Variants in APBA1 observed in about 807,000 individuals in gnomAD.
The protein encoded by APBA1 is amyloid-beta A4 precursor protein-binding family A member 1.
A neutral mutation model predicts 86.6 loss-of-function variants in APBA1; 55 were observed. The ratio of observed to expected loss-of-function variants is 0.64; its 90% CI spans 0.51 to 0.80. The LOEUF is 0.80. APBA1 is among the 30% of genes least tolerant of loss of function. The pLI, the probability that APBA1 is intolerant of heterozygous loss-of-function variation, is 0.00. For missense variants in APBA1, 1,090 were observed against 1,183.0 expected, an observed-to-expected ratio of 0.92 and a Z score of 1.15; for synonymous variants, 511 against 493.9, an observed-to-expected ratio of 1.03 and a Z score of -0.46.
chr9:69,571,784 A>C (rs1837118601), intron 1 of APBA1, among the ~76,000 whole-genome samples: 2 of 152,218 alleles, frequency 1.3e-5, no homozygotes, highest in Non-Finnish European at 2.9e-5. Flanking sequence ...TTGCAAGGAA[A>C]TGTAGGCCAT....
chr9:69,576,542 T>A (rs1485944936), intron 1 of APBA1, among the ~76,000 whole-genome samples: 1 of 152,214 alleles, frequency 6.6e-6, no homozygotes, highest in Non-Finnish European at 1.5e-5. Context: ...AAGGATGAGT[T>A]CATGTCTTTT....
chr9:69,534,883 C>A (rs1836485414), intron 1 of APBA1, among the ~76,000 whole-genome samples: 1 of 152,080 alleles, frequency 6.6e-6, no homozygotes, highest in African/African-American at 2.4e-5. Flanking sequence ...CTTAATTTCT[C>A]CTTTTCTCTC....
intron 2 of APBA1, among the ~76,000 whole-genome samples, chr9:69,483,011 C>T (rs529541318): frequency 6.7e-6 from 1 of 149,466 alleles, no homozygotes; most frequent in South Asian, 2.2e-4. Context: ...GGAGATATAC[C>T]TAATGCTAGA....
chr9:69,453,782 T>C (rs1304024002), intron 8 of APBA1, among the ~76,000 whole-genome samples: 4 of 152,366 alleles, frequency 2.6e-5, no homozygotes, highest in Admixed American at 6.5e-5. Context: ...GTAAGATTCA[T>C]GGTAAGCTAG....
intron 10 of APBA1, among the ~76,000 whole-genome samples, chr9:69,441,794 A>G (rs1410369501): frequency 1.3e-5 from 2 of 152,324 alleles, no homozygotes; most frequent in African/African-American, 2.4e-5. Flanking sequence ...CTGTTGTTTC[A>G]TGATCCCTGA....
At chr9:69,468,579 G>A (rs920171109) in intron 4 of APBA1, among the ~76,000 whole-genome samples, 4 of 152,250 alleles carry the variant, frequency 2.6e-5, no homozygotes, top group Non-Finnish European at 5.9e-5. Flanking sequence ...TGACCTCAAA[G>A]CCACAGTCCC....
rs865783090 is a variant in APBA1, at chr9:69,458,050, C to T, written c.1515+106G>A. On this transcript the variant is annotated intron_variant, in intron 6 of 12. Coordinates refer to ENST00000265381, the MANE Select transcript of APBA1 (RefSeq NM_001163.4). ...GTTCAAAAAGAAATCTGAACAAAAA[C>T]TTGCTGGATGCAGAAAACAAAAACA... The T allele has an allele frequency of 8.4e-6, 10 of 1,185,170 alleles. 1 individual carries two copies. In the Middle Eastern group the frequency reaches 2.0e-3, roughly 240 times the overall value. 73.4% of individuals were successfully genotyped at this position (1,185,170 alleles called of 1,614,324 possible). A position where few individuals can be genotyped will look rare whatever the true frequency, so the allele number is the denominator to read the frequency against.
At chr9:69,632,782 T>C (rs919615243) in intron 1 of APBA1, among the ~76,000 whole-genome samples, 1 of 152,184 alleles carries the variant, frequency 6.6e-6, no homozygotes, top group African/African-American at 2.4e-5. Flanking sequence ...ATAGATGTTT[T>C]TGGGTATTTT....
intron 2 of APBA1, among the ~76,000 whole-genome samples, chr9:69,482,815 T>A (rs1429868022): frequency 6.6e-6 from 1 of 151,738 alleles, no homozygotes; most frequent in Non-Finnish European, 1.5e-5. Context: ...TGAGTTCATG[T>A]CCTTTGTAGG....
intron 11 of APBA1, among the ~76,000 whole-genome samples, chr9:69,436,514 C>T (rs1003563651): frequency 6.6e-6 from 1 of 151,354 alleles, no homozygotes. Context: ...AAGTTGGATT[C>T]CTAGGTATTG....
At chr9:69,535,673 TTC>T (rs1836497157) in intron 1 of APBA1, among the ~76,000 whole-genome samples, 1 of 152,150 alleles carries the variant, frequency 6.6e-6, no homozygotes, top group South Asian at 2.1e-4. Context: ...TTCTTATCTT[TTC>T]TCTGTTTCTA....
intron 1 of APBA1, among the ~76,000 whole-genome samples, chr9:69,662,717 G>C (rs1470942336): frequency 6.6e-6 from 1 of 152,180 alleles, no homozygotes; most frequent in Non-Finnish European, 1.5e-5. Context: ...GAACTCTAGA[G>C]GCTAAGAGAC....
At chr9:69,537,930 A>G (rs941798491) in intron 1 of APBA1, among the ~76,000 whole-genome samples, 4 of 152,084 alleles carry the variant, frequency 2.6e-5, no homozygotes, top group Non-Finnish European at 5.9e-5. Context: ...GAGAAACTTA[A>G]AAGTTTTATT....
At chr9:69,562,670 C>T (rs907001171) in intron 1 of APBA1, among the ~76,000 whole-genome samples, 2 of 151,934 alleles carry the variant, frequency 1.3e-5, no homozygotes, top group Non-Finnish European at 2.9e-5. Flanking sequence ...CCACTGTACC[C>T]GGCCTGTATT....
Position 69,516,074 on chromosome 9 carries a change from C to A in APBA1, c.1137G>T (p.Trp379Cys). ...YTPDEPKEPIWVMRQDISPTR... is the reference protein window; with the variant it reads ...YTPDEPKEPICVMRQDISPTR... ...TGGGGCTAATGTCCTGGCGCATGAC[C>A]CAGATGGGCTCTTTGGGCTCGTCGG... The change falls in exon 2 of 13, where the codon TGG becomes TGT. Residue 379 changes from tryptophan to cysteine, a missense_variant. Trp to Cys is a radical substitution (Grantham distance 215). Coordinates refer to ENST00000265381, the MANE Select transcript of APBA1 (RefSeq NM_001163.4). This position sits in a 1 kb window ranked among gnomAD's most constrained non-coding sequence, Gnocchi z 7.3. The A allele has an allele frequency of 6.2e-7, 1 of 1,612,520 alleles. No individual in the cohort carries two copies. Among genetic ancestry groups the A allele is most frequent in the Non-Finnish European group, 8.5e-7 (1 of 1,179,114 alleles).
At position 69,441,075 on chromosome 9, in the gene APBA1, C is replaced by T; in HGVS notation, c.2222G>A (p.Arg741Lys). The T allele has an allele frequency of 6.2e-7, 1 of 1,614,116 alleles. No homozygotes were observed. The highest frequency in any genetic ancestry group is 8.5e-7 in the Non-Finnish European group (1 of 1,180,040). Residue 741 changes from arginine to lysine, a missense_variant, in exon 11 of 13, where the codon AGA (arginine) becomes AAA (lysine). Coordinates refer to ENST00000265381, the MANE Select transcript of APBA1 (RefSeq NM_001163.4). Reference protein sequence around the residue: ...NQSRVKLNIVRCPPVTTVLIR... With the variant: ...NQSRVKLNIVKCPPVTTVLIR... ...TAACACGGTGGTCACCGGAGGACAT[C>T]TCACGATATTCAGCTTGACTCGGGA...
chr9:69,432,930 T>C (rs545894276), intron 11 of APBA1, among the ~76,000 whole-genome samples: 1 of 152,264 alleles, frequency 6.6e-6, no homozygotes, highest in African/African-American at 2.4e-5. Context: ...TGAATTCTAC[T>C]TCTCATCCCA....
chr9:69,611,294 A>AAC, intron 1 of APBA1, among the ~76,000 whole-genome samples: 1 of 151,152 alleles, frequency 6.6e-6, no homozygotes, highest in East Asian at 1.9e-4. Flanking sequence ...GGAAAAAAAA[A>AAC]AAAAAAAAAA....
chr9:69,531,482 CT>C (rs1231121098), intron 1 of APBA1, among the ~76,000 whole-genome samples: 1 of 152,202 alleles, frequency 6.6e-6, no homozygotes, highest in Non-Finnish European at 1.5e-5. Context: ...TTCCTTACCC[CT>C]GTCCTCTAAT....
Sources: allele counts gnomAD v4.1 joint callset (sites outside exome capture counted in the v4.1 genomes callset), GRCh38; gene constraint gnomAD v4.1.1; non-coding constraint Gnocchi (gnomAD v3.1); transcripts MANE v1.5; gene names NCBI Gene and HGNC (gene_info 2026-07-23, HGNC 2026-07-21).